Variants in WARS2 observed in about 807,000 individuals in gnomAD.
The protein encoded by WARS2 is tryptophanyl tRNA synthetase 2, mitochondrial, also known as tryptophan--tRNA ligase, mitochondrial.
In WARS2, 28 loss-of-function variants were observed where a neutral mutation model predicts 36.5. The ratio of observed to expected loss-of-function variants is 0.77; its 90% CI spans 0.57 to 1.05. WARS2 has a LOEUF of 1.05. Ranked by LOEUF, WARS2 falls within the 50% of genes least tolerant of loss-of-function variation. The probability of loss-of-function intolerance (pLI) is 0.00; values close to 1 mark genes in which losing one functional copy is unlikely to be tolerated. For synonymous variants in WARS2, 174 were observed against 178.4 expected (o/e 0.98, Z 0.20); for missense variants, 435 against 456.8 (o/e 0.95, Z 0.44).
At chr1:119,078,718 C>T (rs6704201) in intron 1 of WARS2, among the ~76,000 whole-genome samples, 8,340 of 152,020 alleles carry the variant, frequency 0.055, 422 homozygotes, top group East Asian at 0.19. Flanking sequence ...ATTCTAGATG[C>T]TAATATTTTG....
At chr1:119,066,732 C>T (rs969595979) in intron 2 of WARS2, among the ~76,000 whole-genome samples, 3 of 151,994 alleles carry the variant, frequency 2.0e-5, no homozygotes, top group Non-Finnish European at 4.4e-5. Flanking sequence ...ATTACAGTGC[C>T]AAAAGTAATA....
At chr1:119,092,180 G>A (rs1233065160) in intron 1 of WARS2, among the ~76,000 whole-genome samples, 1 of 152,108 alleles carries the variant, frequency 6.6e-6, no homozygotes, top group East Asian at 1.9e-4. Flanking sequence ...TACTTTCTCT[G>A]ACTGACCAAA....
intron 2 of WARS2, among the ~76,000 whole-genome samples, chr1:119,069,702 G>C (rs1452275230): frequency 1.3e-5 from 2 of 152,174 alleles, no homozygotes; most frequent in Non-Finnish European, 2.9e-5. Context: ...TAGCTAAGCT[G>C]AGTTTAGATT....
chr1:119,106,312 T>C (rs1406986580), intron 1 of WARS2, among the ~76,000 whole-genome samples: 1 of 152,130 alleles, frequency 6.6e-6, no homozygotes, highest in African/African-American at 2.4e-5. Flanking sequence ...CACTGACACA[T>C]CATAATCACC....
chr1:119,034,141 G>GA lies in WARS2; in HGVS notation c.587dup (p.Asn197GlnfsTer26). The stretch of plus-strand genomic sequence containing the variant: ...GAAAGAACTCCCCATACTTCTTGTT[G>GA]AAACCTTGTGCTAGATCCTGAACTA... On this transcript the variant is annotated frameshift_variant, in exon 5 of 6. Transcript: ENST00000235521. LOFTEE classifies it high-confidence loss of function. The GA allele has an allele frequency of 6.2e-7, 1 of 1,614,022 alleles. No homozygotes were observed. Among genetic ancestry groups the GA allele is most frequent in the South Asian group, 1.1e-5 (1 of 91,074 alleles).
At chr1:119,098,103 G>A (rs945364086) in intron 1 of WARS2, among the ~76,000 whole-genome samples, 1 of 151,930 alleles carries the variant, frequency 6.6e-6, no homozygotes, top group African/African-American at 2.4e-5. Flanking sequence ...ACAAAAATTA[G>A]CCGAGCATGG....
chr1:119,133,098 T>C (rs1280258567), intron 1 of WARS2, among the ~76,000 whole-genome samples: 3 of 152,200 alleles, frequency 2.0e-5, no homozygotes, highest in Non-Finnish European at 4.4e-5. Flanking sequence ...GTTGCCCTTT[T>C]AGCTATAGAC....
intron 2 of WARS2, among the ~76,000 whole-genome samples, chr1:119,059,483 T>C (rs575157275): frequency 6.6e-6 from 1 of 152,304 alleles, no homozygotes; most frequent in South Asian, 2.1e-4. Flanking sequence ...GATTTTTGTA[T>C]AAGGTGTAAG....
rs1049382623 is a variant in WARS2, at chr1:119,033,350, T to C, written c.644A>G (p.Lys215Arg). 3.1e-6 allele frequency: 5 copies of C among 1,614,072 alleles called. No individual in the cohort carries two copies. The highest frequency in any genetic ancestry group is 3.4e-6 in the Non-Finnish European group (4 of 1,180,032). ...PVPESILTSM[K>R]KVKSLRDPSA... ...AGGATCACGTAGGGATTTTACCTTC[T>C]TCATGGATGCTAGGTTAAAAACACC... is the stretch of plus-strand genomic sequence containing the variant. Residue 215 changes from lysine to arginine, a missense_variant, in exon 6 of 6, where the codon AAG becomes AGG. Physicochemically the swap from Lys to Arg is conservative, Grantham distance 26 (BLOSUM62 2). Transcript: ENST00000235521.
At chr1:119,136,033 A>T (rs1397809179) in intron 1 of WARS2, among the ~76,000 whole-genome samples, 1 of 152,102 alleles carries the variant, frequency 6.6e-6, no homozygotes, top group Non-Finnish European at 1.5e-5. Context: ...CGGCCTCCCA[A>T]AGTGCTGGGA....
At chr1:119,136,515 C>CT (rs1002202199) in intron 1 of WARS2, among the ~76,000 whole-genome samples, 60 of 152,248 alleles carry the variant, frequency 3.9e-4, no homozygotes, top group African/African-American at 1.4e-3. Context: ...CACGCAACAC[C>CT]TTTTTTTGCC....
intron 1 of WARS2, among the ~76,000 whole-genome samples, chr1:119,083,526 C>G (rs912081915): frequency 6.6e-6 from 1 of 152,162 alleles, no homozygotes; most frequent in Non-Finnish European, 1.5e-5. Flanking sequence ...TAATTTTATA[C>G]TGTTCTTTTC....
rs146446155 is a variant in WARS2, at chr1:119,110,737, T to C, written c.90+29818A>G. Among the ~76,000 whole-genome samples, 1,197 of 152,232 alleles carry C rather than the reference T, an allele frequency of 7.9e-3. 23 individuals are homozygous for C. The highest frequency in any genetic ancestry group is 0.027 in the African/African-American group (1,124 of 41,556). On this transcript the variant is annotated intron_variant, in intron 1 of 5. Transcript: ENST00000235521. ...CATTTTTATTCAAATATTGATTCTG[T>C]TCCTGTCTCTTTTTCTTCTCCATCA...
intron 1 of WARS2, among the ~76,000 whole-genome samples, chr1:119,132,246 C>T (rs1451013078): frequency 6.6e-6 from 1 of 152,164 alleles, no homozygotes; most frequent in Admixed American, 6.5e-5. Context: ...TCCCCCACTT[C>T]CTCTTAATGA....
chr1:119,086,399 C>T (rs1437667856), intron 1 of WARS2, among the ~76,000 whole-genome samples: 3 of 152,104 alleles, frequency 2.0e-5, no homozygotes, highest in East Asian at 1.9e-4. Context: ...ACTAAACATG[C>T]GAGGATTAAT....
intron 2 of WARS2, among the ~76,000 whole-genome samples, chr1:119,049,713 A>G (rs1649175651): frequency 6.6e-6 from 1 of 152,222 alleles, no homozygotes; most frequent in Admixed American, 6.5e-5. Context: ...TTGCTTAGGC[A>G]AAAACCTTGG....
intron 2 of WARS2, among the ~76,000 whole-genome samples, chr1:119,065,315 A>G (rs1203098417): frequency 2.0e-5 from 3 of 152,200 alleles, no homozygotes; most frequent in Non-Finnish European, 2.9e-5. Flanking sequence ...GGTCCACTCA[A>G]GAAGTTAGTA....
chr1:119,078,810 A>G (rs587698511), intron 1 of WARS2, among the ~76,000 whole-genome samples: 1 of 152,052 alleles, frequency 6.6e-6, no homozygotes, highest in African/African-American at 2.4e-5. Context: ...TAAGTACTTA[A>G]TTTTATGAAT....
chr1:119,042,201 T>A, intron 4 of WARS2, 63 bp downstream of exon 4: 1 of 1,504,282 alleles, frequency 6.6e-7, no homozygotes, highest in South Asian at 1.1e-5. Context: ...CTGTATTGAA[T>A]AGGTTAAAAC....
Sources: gnomAD v4.1 joint callset for allele counts (sites outside exome capture counted in the v4.1 genomes callset) on GRCh38, gnomAD v4.1.1 for gene constraint, MANE v1.5 for transcripts, NCBI Gene and HGNC (gene_info 2026-07-23, HGNC 2026-07-21) for gene names.